ANO3: variants seen among roughly 807,000 people sequenced by gnomAD.
The protein encoded by ANO3 is anoctamin-3.
In ANO3, 99 loss-of-function variants were observed where a neutral mutation model predicts 144.8. The observed-to-expected ratio is 0.68, with a 90% CI of 0.58 to 0.81. The LOEUF (loss-of-function observed/expected upper bound fraction) is 0.81. Among genes scored for constraint, ANO3 ranks in the 30% least tolerant of loss-of-function variants. The probability of loss-of-function intolerance (pLI) is 0.00; values close to 1 mark genes in which losing one functional copy is unlikely to be tolerated. For missense variants in ANO3, 905 were observed against 1,202.2 expected, an observed-to-expected ratio of 0.75 and a Z score of 3.66; for synonymous variants, 414 against 392.6, an observed-to-expected ratio of 1.05 and a Z score of -0.64.
At chr11:26,656,325 C>T in intron 25 of ANO3, 51 bp from the exon 26 acceptor site, 1 of 1,483,274 alleles carries the variant, frequency 6.7e-7, no homozygotes. Flanking sequence ...AAATTTGGGC[C>T]TCCACTCTTT....
At chr11:26,220,072 G>A (rs1248408558) in intron 1 of ANO3, among the ~76,000 whole-genome samples, 1 of 152,222 alleles carries the variant, frequency 6.6e-6, no homozygotes, top group African/African-American at 2.4e-5. Flanking sequence ...AGGGAGAAGA[G>A]GAAGGTCAGC....
At chr11:26,563,402 TG>T in intron 14 of ANO3, 1 of 166,686 alleles carries the variant, frequency 6.0e-6, no homozygotes, top group South Asian at 1.1e-4. Flanking sequence ...TCTCTGTGTG[TG>T]TGTGTGTGTG....
In ANO3 at chr11:26,660,868, G is replaced by T; in HGVS notation, c.*424G>T. 1 of 158,396 alleles carries T rather than the reference G, an allele frequency of 6.3e-6. No individual in the cohort carries two copies. The highest frequency in any genetic ancestry group is 1.4e-5 in the Non-Finnish European group (1 of 72,206). The allele number at this position is 158,396 out of a possible 1,614,324, so 9.8% of individuals were successfully genotyped here. ...ATACTAATTTGACTTTGGAAAGTAT[G>T]GTTGAGTTCAGATACTTATAAGAAA... On this transcript the variant is annotated 3_prime_UTR_variant, in exon 27 of 27. Transcript: ENST00000256737.
chr11:26,574,647 G>T (rs1590571782), intron 14 of ANO3, among the ~76,000 whole-genome samples: 1 of 151,982 alleles, frequency 6.6e-6, no homozygotes, highest in Admixed American at 6.6e-5. Context: ...AAATGTATTT[G>T]GGGATAACAT....
At position 26,572,981 on chromosome 11, in the gene ANO3, C is replaced by T. The variant is rs562013237; in HGVS notation, c.1447+13202C>T. On this transcript the variant is annotated intron_variant, in intron 14 of 26. Coordinates refer to ENST00000256737, the MANE Select transcript of ANO3 (RefSeq NM_031418.4). Reference sequence around the variant, plus strand: ...TTGATTAAATACTAGAGTTGAATAACAACTTGGCATACTTCCTACACTTCC... The same window carrying T: ...TTGATTAAATACTAGAGTTGAATAATAACTTGGCATACTTCCTACACTTCC... Among the ~76,000 whole-genome samples, 3 of 152,224 alleles carry T rather than the reference C, an allele frequency of 2.0e-5. No individual in the cohort carries two copies. The East Asian group carries it at 5.8e-4, about 29-fold the overall frequency.
chr11:26,230,481 C>A (rs1235046628), intron 1 of ANO3, among the ~76,000 whole-genome samples: 4 of 152,030 alleles, frequency 2.6e-5, no homozygotes, highest in Admixed American at 2.0e-4. Flanking sequence ...TAAGATGATG[C>A]TTTCATGCCA....
rs1174171366 is a variant in ANO3, at chr11:26,332,161, G to T, written c.-115G>T. On this transcript the variant is annotated 5_prime_UTR_variant, in exon 1 of 27. Coordinates refer to ENST00000256737, the MANE Select transcript of ANO3 (RefSeq NM_031418.4). ...CGAAGTGCCGGCTACAGCAGGTGTC[G>T]GATTGCAGTGCGCTCGCTGAGGCTC... is the stretch of plus-strand genomic sequence containing the variant. 1.9e-6 allele frequency: 3 copies of T among 1,590,226 alleles called. No individual in the cohort carries two copies. Among genetic ancestry groups the T allele is most frequent in the Non-Finnish European group, 2.6e-6 (3 of 1,168,792 alleles).
intron 1 of ANO3, among the ~76,000 whole-genome samples, chr11:26,204,319 C>T (rs1163802524): frequency 1.3e-5 from 2 of 151,466 alleles, no homozygotes; most frequent in Non-Finnish European, 3.0e-5. Context: ...ACCCACTTAT[C>T]CCCCAGGACA....
At chr11:26,566,377 G>GT (rs1850583869) in intron 14 of ANO3, among the ~76,000 whole-genome samples, 1 of 151,902 alleles carries the variant, frequency 6.6e-6, no homozygotes, top group Admixed American at 6.6e-5. Flanking sequence ...TGACATTACT[G>GT]ACTATACATT....
chr11:26,535,488 A>C (rs1849482820), intron 9 of ANO3, among the ~76,000 whole-genome samples: 1 of 151,632 alleles, frequency 6.6e-6, no homozygotes, highest in Non-Finnish European at 1.5e-5. Context: ...GTTGACAGCC[A>C]GCAAAAACTG....
chr11:26,211,219 G>T (rs541090453), intron 1 of ANO3, among the ~76,000 whole-genome samples: 1 of 151,980 alleles, frequency 6.6e-6, no homozygotes, highest in Non-Finnish European at 1.5e-5. Flanking sequence ...AAAACTGCAC[G>T]ACTACATGGA....
chr11:26,451,341 G>T (rs895437507), intron 3 of ANO3, among the ~76,000 whole-genome samples: 1 of 152,200 alleles, frequency 6.6e-6, no homozygotes, highest in African/African-American at 2.4e-5. Flanking sequence ...TCAAAGAAAG[G>T]GGTGATGGGC....
chr11:26,363,814 C>T (rs1855989848), intron 1 of ANO3, among the ~76,000 whole-genome samples: 1 of 139,480 alleles, frequency 7.2e-6, no homozygotes, highest in African/African-American at 2.5e-5. Context: ...TCTTCATGTT[C>T]CCTAATACAT....
chr11:26,514,186 AATCAT>A (rs1181032919), intron 5 of ANO3, among the ~76,000 whole-genome samples: 2 of 152,042 alleles, frequency 1.3e-5, no homozygotes, highest in Non-Finnish European at 2.9e-5. Context: ...GTTCTTCCCA[AATCAT>A]AGGTTAATGC....
At chr11:26,522,482 T>C (rs1447166475) in intron 6 of ANO3, among the ~76,000 whole-genome samples, 1 of 152,078 alleles carries the variant, frequency 6.6e-6, no homozygotes, top group Non-Finnish European at 1.5e-5. Context: ...ATTGTTGTAA[T>C]AGGTAGATAG....
intron 1 of ANO3, among the ~76,000 whole-genome samples, chr11:26,252,879 C>G (rs570651785): frequency 2.0e-5 from 3 of 152,086 alleles, no homozygotes; most frequent in African/African-American, 2.4e-5. Flanking sequence ...ATAAACCATT[C>G]GAACCATCTA....
chr11:26,390,107 C>T (rs780699025), intron 1 of ANO3, among the ~76,000 whole-genome samples: 5 of 151,994 alleles, frequency 3.3e-5, no homozygotes, highest in Admixed American at 6.6e-5. Flanking sequence ...TAAGTGTCTT[C>T]GAACTGTTAG....
intron 18 of ANO3, among the ~76,000 whole-genome samples, chr11:26,626,815 T>A (rs1177311177): frequency 2.0e-5 from 3 of 152,342 alleles, no homozygotes; most frequent in Admixed American, 2.0e-4. Flanking sequence ...TCTATGATTT[T>A]TGTTGGGATT....
At chr11:26,425,482 T>G (rs914125199) in intron 1 of ANO3, among the ~76,000 whole-genome samples, 8 of 152,070 alleles carry the variant, frequency 5.3e-5, no homozygotes, top group African/African-American at 1.9e-4. Context: ...GGTAAAACAA[T>G]TGAAACAAAC....
Sources: gnomAD v4.1 joint callset for allele counts (sites outside exome capture counted in the v4.1 genomes callset) on GRCh38, gnomAD v4.1.1 for gene constraint, MANE v1.5 for transcripts, NCBI Gene and HGNC (gene_info 2026-07-23, HGNC 2026-07-21) for gene names.